CBFB: variants seen among roughly 807,000 people sequenced by gnomAD.
CBFB encodes core-binding factor subunit beta.
Under a neutral mutation model 30.4 loss-of-function variants are expected in CBFB, and 9 were observed. The observed-to-expected ratio is 0.30, with a 90% CI of 0.18 to 0.52. The LOEUF (loss-of-function observed/expected upper bound fraction) is 0.52. CBFB is among the 20% of genes least tolerant of loss of function. CBFB has a pLI of 0.97. For synonymous variants in CBFB, 94 were observed against 84.0 expected (o/e 1.12, Z -0.65); for missense variants, 170 against 244.0 (o/e 0.70, Z 2.02).
At chr16:67,053,102 G>A (rs1202473415) in intron 3 of CBFB, among the ~76,000 whole-genome samples, 1 of 151,466 alleles carries the variant, frequency 6.6e-6, no homozygotes, top group Admixed American at 6.6e-5. Flanking sequence ...CCTGATTGAT[G>A]TATTTGTTCC....
chr16:67,065,523 A>G (rs1307524616), intron 3 of CBFB, among the ~76,000 whole-genome samples: 3 of 152,090 alleles, frequency 2.0e-5, no homozygotes, highest in Non-Finnish European at 4.4e-5. Flanking sequence ...TGCTTGGTTA[A>G]GTTTATTCAT....
intron 3 of CBFB, among the ~76,000 whole-genome samples, chr16:67,055,357 C>CTTTTTTTTTCTTTTT (rs1960687344): frequency 1.2e-5 from 1 of 81,474 alleles, no homozygotes; most frequent in Non-Finnish European, 2.4e-5. Context: ...CAGACACTTT[C>CTTTTTTTTTCTTTTT]TTTTTTTTTT....
intron 3 of CBFB, among the ~76,000 whole-genome samples, chr16:67,051,584 T>G (rs939470277): frequency 6.6e-6 from 1 of 152,052 alleles, no homozygotes; most frequent in East Asian, 1.9e-4. Flanking sequence ...TTCTATCAAC[T>G]TAACTAAATT....
chr16:67,040,342 G>A lies in CBFB; in HGVS notation c.282+3587G>A, dbSNP rs1597125381. Reference sequence around the variant, plus strand: ...TACCTTCTGAAGCAGCTTAGTTCTCGTCCTGTTCATACGCAGTTTTGAGGA... The same window carrying A: ...TACCTTCTGAAGCAGCTTAGTTCTCATCCTGTTCATACGCAGTTTTGAGGA... On this transcript the variant is annotated intron_variant, in intron 3 of 5. Transcript: ENST00000412916. Among the ~76,000 whole-genome samples, 5 of 152,138 alleles carry A rather than the reference G, an allele frequency of 3.3e-5. No homozygotes were observed. In the South Asian group the frequency reaches 1.0e-3, roughly 32 times the overall value.
chr16:67,097,402 G>A (rs377133777), intron 5 of CBFB, among the ~76,000 whole-genome samples: 1 of 151,998 alleles, frequency 6.6e-6, no homozygotes, highest in African/African-American at 2.4e-5. Context: ...AAAATTAGCC[G>A]GGCGTGGTGG....
intron 3 of CBFB, among the ~76,000 whole-genome samples, chr16:67,054,178 T>G (rs904898282): frequency 6.6e-6 from 1 of 152,158 alleles, no homozygotes; most frequent in Admixed American, 6.5e-5. Flanking sequence ...TCTTCCTGTT[T>G]CTTGGTTTAC....
At chr16:67,074,680 C>T (rs1177097863) in intron 4 of CBFB, among the ~76,000 whole-genome samples, 3 of 151,854 alleles carry the variant, frequency 2.0e-5, no homozygotes, top group Admixed American at 6.6e-5. Flanking sequence ...TGTGCCCGGC[C>T]GAAACAGTAA....
chr16:67,040,198 C>A (rs1417062924), intron 3 of CBFB, among the ~76,000 whole-genome samples: 1 of 152,182 alleles, frequency 6.6e-6, no homozygotes, highest in East Asian at 1.9e-4. Context: ...TCTGTCCCCA[C>A]AGGACTAGGA....
At chr16:67,086,742 C>G (rs1444337173) in intron 5 of CBFB, among the ~76,000 whole-genome samples, 1 of 152,130 alleles carries the variant, frequency 6.6e-6, no homozygotes, top group Non-Finnish European at 1.5e-5. Flanking sequence ...GGTCTGTATT[C>G]TGCATTAGGG....
intron 3 of CBFB, among the ~76,000 whole-genome samples, chr16:67,042,953 C>T (rs1966556708): frequency 6.6e-6 from 1 of 152,180 alleles, no homozygotes; most frequent in African/African-American, 2.4e-5. Flanking sequence ...CCAGGCTGGT[C>T]TCAAACTCCT....
At chr16:67,052,129 C>T (rs1429346795) in intron 3 of CBFB, among the ~76,000 whole-genome samples, 2 of 152,150 alleles carry the variant, frequency 1.3e-5, no homozygotes, top group African/African-American at 4.8e-5. Context: ...ATCCACCTGC[C>T]TCAGCCTCCC....
chr16:67,034,624 A>G (rs963696526), intron 2 of CBFB, among the ~76,000 whole-genome samples: 5 of 152,204 alleles, frequency 3.3e-5, no homozygotes, highest in Non-Finnish European at 7.3e-5. Flanking sequence ...TGAAGCAGGA[A>G]ATCTCTTCTG....
intron 5 of CBFB, among the ~76,000 whole-genome samples, chr16:67,093,226 C>T (rs910405627): frequency 1.3e-5 from 2 of 152,104 alleles, no homozygotes; most frequent in Non-Finnish European, 2.9e-5. Flanking sequence ...AAACTGTAGG[C>T]GTGAGCCACC....
intron 2 of CBFB, 67 bp downstream of exon 2, chr16:67,029,880 T>C: frequency 4.5e-6 from 5 of 1,101,798 alleles, no homozygotes; most frequent in Non-Finnish European, 6.1e-6. Context: ...CCCAGGCCGG[T>C]TCCGGACGGC....
chr16:67,029,247 A>T lies in CBFB; in HGVS notation c.-161A>T, dbSNP rs1966284107. On this transcript the variant is annotated 5_prime_UTR_variant, in exon 1 of 6. Coordinates refer to ENST00000412916, the MANE Select transcript of CBFB (RefSeq NM_022845.3). ...GCTCGAGCGGGCGGCGGCGCCTCAG[A>T]CTCCCCGGAACGGGAGCCCACGCGG... The T allele has an allele frequency of 2.7e-6, 1 of 366,952 alleles. No homozygotes were observed. The highest frequency in any genetic ancestry group is 4.6e-6 in the Non-Finnish European group (1 of 218,176). The allele number at this position is 366,952 out of a possible 1,614,324, so 22.7% of individuals were successfully genotyped here. A position where few individuals can be genotyped will look rare whatever the true frequency, so the allele number is the denominator to read the frequency against.
chr16:67,084,815 C>T (rs1400828055), intron 5 of CBFB, among the ~76,000 whole-genome samples: 1 of 151,612 alleles, frequency 6.6e-6, no homozygotes, highest in Non-Finnish European at 1.5e-5. Flanking sequence ...AGAGCCCAGA[C>T]TCTACAGCCA....
chr16:67,051,658 C>A (rs1321485600), intron 3 of CBFB, among the ~76,000 whole-genome samples: 3 of 151,806 alleles, frequency 2.0e-5, no homozygotes, highest in African/African-American at 7.3e-5. Flanking sequence ...TGAGAAATGT[C>A]TAAATGACCA....
intron 2 of CBFB, 21 bp from the exon 3 acceptor site, chr16:67,036,618 T>G: frequency 1.5e-6 from 2 of 1,331,424 alleles, no homozygotes; most frequent in South Asian, 1.2e-5. Context: ...CTGATCCTGT[T>G]TGTATTGATT....
intron 1 of CBFB, 57 bp downstream of exon 1, chr16:67,029,542 C>A: frequency 1.3e-6 from 2 of 1,512,658 alleles, no homozygotes; most frequent in East Asian, 5.2e-5. Flanking sequence ...TGGGCCCGGG[C>A]GGAGAAAAGT....
Sources: allele counts gnomAD v4.1 joint callset (sites outside exome capture counted in the v4.1 genomes callset), GRCh38; gene constraint gnomAD v4.1.1; transcripts MANE v1.5; gene names NCBI Gene and HGNC (gene_info 2026-07-23, HGNC 2026-07-21).